The following AGPAT4 variants were observed in gnomAD, a reference collection of about 807,000 sequenced individuals.
The protein encoded by AGPAT4 is 1-acyl-sn-glycerol-3-phosphate acyltransferase delta.
A neutral mutation model predicts 48.0 loss-of-function variants in AGPAT4; 15 were observed. That is an observed-to-expected ratio of 0.31 (90% CI 0.21 to 0.48). The LOEUF (loss-of-function observed/expected upper bound fraction) is 0.48, where lower values mean the gene tolerates loss of function less well. Ranked by LOEUF, AGPAT4 falls within the 20% of genes least tolerant of loss-of-function variation. AGPAT4 has a pLI of 0.99. For missense variants in AGPAT4, 314 were observed against 482.5 expected (o/e 0.65, Z 3.27); for synonymous variants, 178 against 198.7 (o/e 0.90, Z 0.88).
In AGPAT4 at chr6:161,227,209, A is replaced by C. The variant is rs115758037; in HGVS notation, c.178+4827T>G. On this transcript the variant is annotated intron_variant, in intron 2 of 8. Coordinates refer to ENST00000320285, the MANE Select transcript of AGPAT4 (RefSeq NM_020133.3). ...CCTTTCAGGGTGGAGATTCAGAAAC[A>C]CCGGCCTCTAGTAGGTCTCCTTTTA... Among the ~76,000 whole-genome samples the C allele has an allele frequency of 1.0e-2, 1,518 of 152,220 alleles. 33 individuals carry two copies. The highest frequency in any genetic ancestry group is 0.035 in the African/African-American group (1,442 of 41,530).
Position 161,208,370 on chromosome 6 carries a change from T to TC in AGPAT4, c.178+23665dup, listed in dbSNP as rs797017008. On this transcript the variant is annotated intron_variant, in intron 2 of 8. Transcript: ENST00000320285. This position sits in a 1 kb window ranked among gnomAD's most constrained non-coding sequence, Gnocchi z 4.6. ...GGCTTTGGCAAGATCTCCCTTTTGT[T>TC]CCCACCTTGAAGGCTTCTTGTTCTT... Among the ~76,000 whole-genome samples, 31 of 152,254 alleles carry TC rather than the reference T, an allele frequency of 2.0e-4. No individual in the cohort carries two copies. The highest frequency in any genetic ancestry group is 7.0e-4 in the African/African-American group (29 of 41,556).
In AGPAT4 at chr6:161,233,898, A is replaced by C. The variant is rs574557655; in HGVS notation, c.-89-1596T>G. On this transcript the variant is annotated intron_variant, in intron 1 of 8. Coordinates refer to ENST00000320285, the MANE Select transcript of AGPAT4 (RefSeq NM_020133.3). The surrounding 1 kb of genome is among the most constrained non-coding windows in gnomAD (Gnocchi z 5.4). ...AGGCTCCTATGAATCCCACAAGACG[A>C]GTATTCTTATCATCCCACTTTTCAG... Among the ~76,000 whole-genome samples, 168 of 152,346 alleles carry C rather than the reference A, an allele frequency of 1.1e-3. No individual in the cohort carries two copies. Among genetic ancestry groups the C allele is most frequent in the Non-Finnish European group, 2.0e-3 (134 of 68,034 alleles).
intron 2 of AGPAT4, among the ~76,000 whole-genome samples, chr6:161,193,724 C>T (rs2115003255): frequency 6.6e-6 from 1 of 152,356 alleles, no homozygotes; most frequent in East Asian, 1.9e-4. Flanking sequence ...TACTGGAATG[C>T]TGACAATCAG....
intron 2 of AGPAT4, among the ~76,000 whole-genome samples, chr6:161,181,091 T>C (rs1366225336): frequency 6.6e-6 from 1 of 151,998 alleles, no homozygotes; most frequent in Non-Finnish European, 1.5e-5. Context: ...TTAATAAAAA[T>C]TAATAAAAGC....
intron 4 of AGPAT4, among the ~76,000 whole-genome samples, chr6:161,153,770 T>C (rs1454392132): frequency 1.6e-5 from 2 of 128,954 alleles, no homozygotes; most frequent in Admixed American, 1.5e-4. Flanking sequence ...CAGGGCCCCA[T>C]GGTTACATAC....
At position 161,226,461 on chromosome 6, in the gene AGPAT4, C is replaced by A. The variant is rs776584275; in HGVS notation, c.178+5575G>T. On this transcript the variant is annotated intron_variant, in intron 2 of 8. Coordinates refer to ENST00000320285, the MANE Select transcript of AGPAT4 (RefSeq NM_020133.3). The surrounding 1 kb of genome is among the most constrained non-coding windows in gnomAD (Gnocchi z 6.3). ...GCAGGGGTTGGAAAAGCCACAGCGA[C>A]ACTCTCTTTGGGGGATCAACAGCTT... Among the ~76,000 whole-genome samples, 1 of 152,208 alleles carries A rather than the reference C, an allele frequency of 6.6e-6. No homozygotes were observed. The highest frequency in any genetic ancestry group is 1.5e-5 in the Non-Finnish European group (1 of 68,042).
rs1449981919 is a variant in AGPAT4, at chr6:161,196,422, T to C, written c.179-30005A>G. 2.0e-5 allele frequency among the ~76,000 whole-genome samples: 3 copies of C among 152,148 alleles called. No individual in the cohort carries two copies. Among genetic ancestry groups the C allele is most frequent in the Non-Finnish European group, 2.9e-5 (2 of 68,024 alleles). On this transcript the variant is annotated intron_variant, in intron 2 of 8. Coordinates refer to ENST00000320285, the MANE Select transcript of AGPAT4 (RefSeq NM_020133.3). The surrounding 1 kb of genome is among the most constrained non-coding windows in gnomAD (Gnocchi z 4.3). ...ATTAAGTCAGTGAGGGGTAGGACTGTGGTCCTATCCAGGGTCTGAAATAGG... is the reference window on the plus strand; with the variant it reads ...ATTAAGTCAGTGAGGGGTAGGACTGCGGTCCTATCCAGGGTCTGAAATAGG...
rs548800112 is a variant in AGPAT4 at position 161,243,209 on chromosome 6, T to A, written c.-89-10907A>T. On this transcript the variant is annotated intron_variant, in intron 1 of 8. Transcript: ENST00000320285. This position sits in a 1 kb window ranked among gnomAD's most constrained non-coding sequence, Gnocchi z 4.8. ...AGCTCAATACTAAGCCTGTGAGGGC[T>A]GGAACGACATGGGAGCTGGGGACAG... Among the ~76,000 whole-genome samples the A allele has an allele frequency of 6.6e-6, 1 of 152,248 alleles. No individual in the cohort carries two copies. Among genetic ancestry groups the A allele is most frequent in the South Asian group, 2.1e-4 (1 of 4,814 alleles).
At position 161,243,315 on chromosome 6, in the gene AGPAT4, T is replaced by C. The variant is rs1782550978; in HGVS notation, c.-89-11013A>G. 1.3e-5 allele frequency among the ~76,000 whole-genome samples: 2 copies of C among 151,984 alleles called. No individual in the cohort carries two copies. The highest frequency in any genetic ancestry group is 2.9e-5 in the Non-Finnish European group (2 of 67,972). On this transcript the variant is annotated intron_variant, in intron 1 of 8. Coordinates refer to ENST00000320285, the MANE Select transcript of AGPAT4 (RefSeq NM_020133.3). The surrounding 1 kb of genome is among the most constrained non-coding windows in gnomAD (Gnocchi z 4.8). ...GGCCCTGGGCCGGCAGAAGCAGGCG[T>C]GAGGTGGCTGGCATCCCCAGCCGGC...
At position 161,184,643 on chromosome 6, in the gene AGPAT4, C is replaced by G. The variant is rs1780716342; in HGVS notation, c.179-18226G>C. 6.6e-6 allele frequency among the ~76,000 whole-genome samples: 1 copy of G among 152,136 alleles called. No individual in the cohort carries two copies. The highest frequency in any genetic ancestry group is 6.5e-5 in the Admixed American group (1 of 15,276). On this transcript the variant is annotated intron_variant, in intron 2 of 8. Transcript: ENST00000320285. The surrounding 1 kb of genome is among the most constrained non-coding windows in gnomAD (Gnocchi z 4.8). The stretch of plus-strand genomic sequence containing the variant: ...CCAGGCTCTGTGGTCCACCTCTGTT[C>G]CTCTCCTACACCTAGTGGCACGTCT...
At position 161,234,412 on chromosome 6, in the gene AGPAT4, G is replaced by A. The variant is rs1301156554; in HGVS notation, c.-89-2110C>T. ...CACAAATCCAGGCCCTGCAGGGTCT[G>A]AATCATCACATCTCTGGCCTTTCGC... is the stretch of plus-strand genomic sequence containing the variant. On this transcript the variant is annotated intron_variant, in intron 1 of 8. Transcript: ENST00000320285. The surrounding 1 kb of genome is among the most constrained non-coding windows in gnomAD (Gnocchi z 4.4). Among the ~76,000 whole-genome samples, 1 of 152,078 alleles carries A rather than the reference G, an allele frequency of 6.6e-6. No homozygotes were observed. The highest frequency in any genetic ancestry group is 1.5e-5 in the Non-Finnish European group (1 of 68,016).
Position 161,239,068 on chromosome 6 carries a change from C to T in AGPAT4, c.-89-6766G>A, listed in dbSNP as rs138458033. ...AGTGCAAGCGAGACAAACGCTCTCA[C>T]TCTAGCACTGAATTTCTCAGGTACC... On this transcript the variant is annotated intron_variant, in intron 1 of 8. Coordinates refer to ENST00000320285, the MANE Select transcript of AGPAT4 (RefSeq NM_020133.3). Among the ~76,000 whole-genome samples the T allele has an allele frequency of 8.4e-3, 1,279 of 152,312 alleles. 3 individuals are homozygous for T. Among genetic ancestry groups the T allele is most frequent in the Non-Finnish European group, 0.013 (900 of 68,036 alleles).
chr6:161,156,758 G>A lies in AGPAT4; in HGVS notation c.349-2448C>T, dbSNP rs145738995. Reference sequence around the variant, plus strand: ...CATAACACCCACACTGGAAGGTTGTGGGTTTACCAGAATGAGGGCAAGGAA... The same window carrying A: ...CATAACACCCACACTGGAAGGTTGTAGGTTTACCAGAATGAGGGCAAGGAA... On this transcript the variant is annotated intron_variant, in intron 3 of 8. Transcript: ENST00000320285. Among the ~76,000 whole-genome samples the A allele has an allele frequency of 2.0e-3, 303 of 152,348 alleles. 1 individual carries two copies. The highest frequency in any genetic ancestry group is 7.0e-3 in the African/African-American group (292 of 41,572).
Position 161,164,550 on chromosome 6 carries a change from G to A in AGPAT4, c.348+1698C>T, listed in dbSNP as rs1780038216. On this transcript the variant is annotated intron_variant, in intron 3 of 8. Coordinates refer to ENST00000320285, the MANE Select transcript of AGPAT4 (RefSeq NM_020133.3). This position sits in a 1 kb window ranked among gnomAD's most constrained non-coding sequence, Gnocchi z 7.4. ...CTTGGGCCCCAGGGCCCCTGCTTTT[G>A]TGCCCCCAACATCTTCCAGGGGAAA... Among the ~76,000 whole-genome samples, 1 of 152,214 alleles carries A rather than the reference G, an allele frequency of 6.6e-6. No homozygotes were observed. Among genetic ancestry groups the A allele is most frequent in the Non-Finnish European group, 1.5e-5 (1 of 68,044 alleles).
At position 161,236,434 on chromosome 6, in the gene AGPAT4, C is replaced by T. The variant is rs569660575; in HGVS notation, c.-89-4132G>A. On this transcript the variant is annotated intron_variant, in intron 1 of 8. Transcript: ENST00000320285. The surrounding 1 kb of genome is among the most constrained non-coding windows in gnomAD (Gnocchi z 5.0). ...GCTCAGAAGCAGCGTTTAACCTTTACTTTTTCCTGAAATTCACCCCATGAC... is the reference window on the plus strand; with the variant it reads ...GCTCAGAAGCAGCGTTTAACCTTTATTTTTTCCTGAAATTCACCCCATGAC... Among the ~76,000 whole-genome samples, 1 of 152,266 alleles carries T rather than the reference C, an allele frequency of 6.6e-6. No individual in the cohort carries two copies. Among genetic ancestry groups the T allele is most frequent in the East Asian group, 1.9e-4 (1 of 5,182 alleles).
In AGPAT4 at chr6:161,189,725, C is replaced by T. The variant is rs1186840803; in HGVS notation, c.179-23308G>A. Among the ~76,000 whole-genome samples the T allele has an allele frequency of 6.6e-6, 1 of 152,182 alleles. No individual in the cohort carries two copies. Among genetic ancestry groups the T allele is most frequent in the Non-Finnish European group, 1.5e-5 (1 of 68,046 alleles). ...TCACTGTCTCCACCTGCCCCTTCCT[C>T]ACCCACCGCCCTCCTAACCCCTCTC... On this transcript the variant is annotated intron_variant, in intron 2 of 8. Coordinates refer to ENST00000320285, the MANE Select transcript of AGPAT4 (RefSeq NM_020133.3). This position sits in a 1 kb window ranked among gnomAD's most constrained non-coding sequence, Gnocchi z 5.3.
At position 161,149,883 on chromosome 6, in the gene AGPAT4, G is replaced by A. The variant is rs189931509; in HGVS notation, c.665-594C>T. ...CAATACTGCAAAGTCAGGTCTAGAGGTACTACGACGATGATTTGTAACTTT... is the reference window on the plus strand; with the variant it reads ...CAATACTGCAAAGTCAGGTCTAGAGATACTACGACGATGATTTGTAACTTT... On this transcript the variant is annotated intron_variant, in intron 5 of 8. Transcript: ENST00000320285. The surrounding 1 kb of genome is among the most constrained non-coding windows in gnomAD (Gnocchi z 6.5). Among the ~76,000 whole-genome samples the A allele has an allele frequency of 5.1e-4, 78 of 152,266 alleles. No homozygotes were observed. The highest frequency in any genetic ancestry group is 9.3e-4 in the Non-Finnish European group (63 of 68,040).
chr6:161,191,633 G>A (rs891867008), intron 2 of AGPAT4, among the ~76,000 whole-genome samples: 11 of 152,224 alleles, frequency 7.2e-5, no homozygotes, highest in African/African-American at 2.4e-4. Flanking sequence ...TCCTGAAGAT[G>A]TTGATTAATT....
rs528930227 is a variant in AGPAT4, at chr6:161,170,164, G to C, written c.179-3747C>G. On this transcript the variant is annotated intron_variant, in intron 2 of 8. Transcript: ENST00000320285. ...GGTTCCAACATCTTGATCTCTCCCA[G>C]TTTATATCCATCGCCCCTTCCTGAC... Among the ~76,000 whole-genome samples, 10 of 152,224 alleles carry C rather than the reference G, an allele frequency of 6.6e-5. No homozygotes were observed. The South Asian group carries it at 1.0e-3, about 16-fold the overall frequency.
Sources: allele counts gnomAD v4.1 joint callset (sites outside exome capture counted in the v4.1 genomes callset), GRCh38; gene constraint gnomAD v4.1.1; non-coding constraint Gnocchi (gnomAD v3.1); transcripts MANE v1.5; gene names NCBI Gene and HGNC (gene_info 2026-07-23, HGNC 2026-07-21).